The following HGSNAT variants were observed in gnomAD, a reference collection of about 807,000 sequenced individuals.
HGSNAT encodes transmembrane protein 76.
Under a neutral mutation model 85.2 loss-of-function variants are expected in HGSNAT, and 59 were observed. The ratio of observed to expected loss-of-function variants is 0.69; its 90% confidence interval spans 0.56 to 0.86. The LOEUF (loss-of-function observed/expected upper bound fraction) is 0.86, where lower values mean the gene tolerates loss of function less well. HGSNAT is among the 40% of genes least tolerant of loss of function. HGSNAT has a pLI of 0.00. For missense variants in HGSNAT, 756 were observed against 777.1 expected, an observed-to-expected ratio of 0.97 and a Z score of 0.32; for synonymous variants, 321 against 304.5, an observed-to-expected ratio of 1.05 and a Z score of -0.56.
chr8:43,156,835 C>G (rs1336395711), intron 2 of HGSNAT, among the ~76,000 whole-genome samples: 1 of 152,124 alleles, frequency 6.6e-6, no homozygotes, highest in Non-Finnish European at 1.5e-5. Context: ...AGTACAGCTA[C>G]TCTTGACCTT....
intron 17 of HGSNAT, 136 bp from the exon 18 acceptor site, chr8:43,199,252 C>T: frequency 4.9e-6 from 3 of 613,480 alleles, no homozygotes; most frequent in Non-Finnish European, 8.4e-6. Context: ...ATATGCATTA[C>T]TTATTTTTGG....
At chr8:43,159,629 T>C (rs536361494) in intron 4 of HGSNAT, among the ~76,000 whole-genome samples, 12 of 152,346 alleles carry the variant, frequency 7.9e-5, no homozygotes, top group Non-Finnish European at 1.2e-4. Context: ...TCATAGTTTT[T>C]AGTTTAATTA....
intron 11 of HGSNAT, among the ~76,000 whole-genome samples, chr8:43,186,780 G>A (rs1326043795): frequency 6.6e-6 from 1 of 152,162 alleles, no homozygotes; most frequent in Non-Finnish European, 1.5e-5. Context: ...TGGGCATTTA[G>A]TGCTATAAAT....
At chr8:43,164,254 G>T (rs546910827) in intron 5 of HGSNAT, among the ~76,000 whole-genome samples, 1 of 152,316 alleles carries the variant, frequency 6.6e-6, no homozygotes, top group African/African-American at 2.4e-5. Context: ...TGTTGAAGCT[G>T]GATGATGGAG....
chr8:43,149,307 CCCT>C (rs1276859910), intron 2 of HGSNAT, among the ~76,000 whole-genome samples: 8 of 151,854 alleles, frequency 5.3e-5, no homozygotes, highest in Non-Finnish European at 8.8e-5. Context: ...AAAGATTTTA[CCCT>C]GGAAACTGGA....
intron 1 of HGSNAT, among the ~76,000 whole-genome samples, chr8:43,142,791 A>G (rs1802593027): frequency 6.6e-6 from 1 of 152,244 alleles, no homozygotes; most frequent in Non-Finnish European, 1.5e-5. Flanking sequence ...CCCAAATAGC[A>G]TAGTTAGTAA....
At chr8:43,160,132 T>C (rs529752521) in intron 4 of HGSNAT, among the ~76,000 whole-genome samples, 2 of 152,374 alleles carry the variant, frequency 1.3e-5, no homozygotes, top group African/African-American at 4.8e-5. Flanking sequence ...TTTGTCTTTA[T>C]AGGTAATCAG....
Position 43,197,675 on chromosome 8 carries a change from C to T in HGSNAT, c.1546C>T (p.Leu516Phe), listed in dbSNP as rs1410277054. ...RFTAWCCILG[L>F]ISVALTKVSE... The stretch of plus-strand genomic sequence containing the variant: ...ATCCTTCTCTTCCCCATTACAGGGG[C>T]TCATTTCTGTTGCTCTGACGAAGGT... The change falls in exon 16 of 18, where the codon CTC becomes TTC. Residue 516 changes from leucine (L) to phenylalanine (F), a missense_variant. By Grantham distance (22) the Leu-to-Phe change is conservative. Transcript: ENST00000379644. 3.1e-6 allele frequency: 5 copies of T among 1,610,974 alleles called. No homozygotes were observed. Among genetic ancestry groups the T allele is most frequent in the Non-Finnish European group, 3.4e-6 (4 of 1,177,182 alleles).
intron 2 of HGSNAT, among the ~76,000 whole-genome samples, chr8:43,153,369 T>A (rs994349215): frequency 3.9e-5 from 6 of 152,214 alleles, no homozygotes; most frequent in African/African-American, 4.8e-5. Flanking sequence ...GTTTTTTTTT[T>A]AATTGACATA....
chr8:43,198,305 T>TG (rs1804799534), intron 17 of HGSNAT, among the ~76,000 whole-genome samples: 1 of 142,264 alleles, frequency 7.0e-6, no homozygotes, highest in African/African-American at 2.6e-5. Context: ...TTTTTTTTTT[T>TG]GAGACAGAGT....
intron 1 of HGSNAT, among the ~76,000 whole-genome samples, chr8:43,143,530 T>C (rs1203111598): frequency 2.6e-5 from 4 of 151,640 alleles, no homozygotes; most frequent in East Asian, 1.9e-4. Flanking sequence ...CCAGGAGCTA[T>C]TTCTTTCTTT....
chr8:43,176,937 G>T (rs1803830385), intron 9 of HGSNAT, among the ~76,000 whole-genome samples: 2 of 152,188 alleles, frequency 1.3e-5, no homozygotes, highest in African/African-American at 4.8e-5. Flanking sequence ...AGTTCTAATA[G>T]TTTTCTGGTG....
intron 1 of HGSNAT, among the ~76,000 whole-genome samples, chr8:43,145,716 A>G (rs1245243343): frequency 6.6e-6 from 1 of 151,904 alleles, no homozygotes; most frequent in Non-Finnish European, 1.5e-5. Context: ...GCGCCACTGC[A>G]CTCCAGCCTG....
At chr8:43,199,247 C>T (rs1429159196) in intron 17 of HGSNAT, 141 bp from the exon 18 acceptor site, 1 of 592,750 alleles carries the variant, frequency 1.7e-6, no homozygotes, top group Non-Finnish European at 3.0e-6. Context: ...CTAAGATATG[C>T]ATTACTTATT....
At position 43,140,543 on chromosome 8, in the gene HGSNAT, C is replaced by T; in HGVS notation, c.47C>T (p.Ser16Phe). 1 of 1,162,228 alleles carries T rather than the reference C, an allele frequency of 8.6e-7. No homozygotes were observed. Among genetic ancestry groups the T allele is most frequent in the Non-Finnish European group, 1.1e-6 (1 of 944,492 alleles). 72.0% of individuals were successfully genotyped at this position (1,162,228 alleles called of 1,614,324 possible). A position where few individuals can be genotyped will look rare whatever the true frequency, so the allele number is the denominator to read the frequency against. The change falls in exon 1 of 18, where the codon TCC becomes TTC. Residue 16 changes from serine to phenylalanine, a missense_variant. Physicochemically the swap from Ser to Phe is radical, Grantham distance 155. Transcript: ENST00000379644. Reference sequence around the variant, plus strand: ...CTGGCCGCGCTGCTGCTGGCCGCGTCCGTGCTGAGCGCCGCGCTGCTGGCC... The same window carrying T: ...CTGGCCGCGCTGCTGCTGGCCGCGTTCGTGCTGAGCGCCGCGCTGCTGGCC... ...RALAALLLAA[S>F]VLSAALLAPG...
intron 14 of HGSNAT, among the ~76,000 whole-genome samples, chr8:43,195,655 T>TGGAGGAGGAGGGGGGAGTAGA (rs1554537293): frequency 1.5e-5 from 1 of 67,560 alleles, no homozygotes. Flanking sequence ...GAGGAGGGGC[T>TGGAGGAGGAGGGGGGAGTAGA]GGAGGAGGAG....
Position 43,191,485 on chromosome 8 carries a change from C to A in HGSNAT, c.1140C>A (p.Cys380Ter), listed in dbSNP as rs1804525253. The A allele has an allele frequency of 6.2e-7, 1 of 1,613,568 alleles. No homozygotes were observed. Among genetic ancestry groups the A allele is most frequent in the Non-Finnish European group, 8.5e-7 (1 of 1,179,620 alleles). Reference sequence around the variant, plus strand: ...CTGCCCCCACTCAGGAGAGGAGCTGCCTTTCTCTTCGAGACATCACGTCCA... The same window carrying A: ...CTGCCCCCACTCAGGAGAGGAGCTGACTTTCTCTTCGAGACATCACGTCCA... ...VPEHCASERS[C>*]LSLRDITSSW... The change falls in exon 12 of 18, where the codon TGC becomes TGA. Residue 380 changes from cysteine to a stop codon, truncating the protein, a stop_gained. Transcript: ENST00000379644. LOFTEE classifies it high-confidence loss of function.
chr8:43,186,900 C>G (rs1360930695), intron 11 of HGSNAT, among the ~76,000 whole-genome samples: 2 of 152,146 alleles, frequency 1.3e-5, no homozygotes, highest in Non-Finnish European at 2.9e-5. Flanking sequence ...TCGTTATGTA[C>G]CCAGTAGTCA....
rs749374469 is a variant in HGSNAT at position 43,193,837 on chromosome 8, A to G, written c.1458A>G (p.Gly486=). 6.2e-7 allele frequency: 1 copy of G among 1,613,456 alleles called. No homozygotes were observed. The highest frequency in any genetic ancestry group is 2.2e-5 in the East Asian group (1 of 44,876). The change falls in exon 14 of 18, where the codon GGA becomes GGG. Residue 486 remains glycine (G), a synonymous_variant. Coordinates refer to ENST00000379644, the MANE Select transcript of HGSNAT (RefSeq NM_152419.3). ...ACTCCATCGTGATGGCCTTTTTAGGAGTTCAGGTATTTGTTCATTTCATTA... is the reference window on the plus strand; with the variant it reads ...ACTCCATCGTGATGGCCTTTTTAGGGGTTCAGGTATTTGTTCATTTCATTA... ...TINSIVMAFL[G]VQAGKILLYY...
Sources: allele counts gnomAD v4.1 joint callset (sites outside exome capture counted in the v4.1 genomes callset), GRCh38; gene constraint gnomAD v4.1.1; transcripts MANE v1.5; gene names NCBI Gene and HGNC (gene_info 2026-07-23, HGNC 2026-07-21).